LMBR1: variants seen among roughly 807,000 people sequenced by gnomAD.
The protein encoded by LMBR1 is limb development membrane protein 1.
In LMBR1, 52 loss-of-function variants were observed where a neutral mutation model predicts 73.9. The ratio of observed to expected loss-of-function variants is 0.70; its 90% CI spans 0.56 to 0.89. LMBR1 has a LOEUF of 0.89. LMBR1 is among the 40% of genes least tolerant of loss of function. The probability of loss-of-function intolerance (pLI) is 0.00; values close to 1 mark genes in which losing one functional copy is unlikely to be tolerated. For missense variants in LMBR1, 539 were observed against 579.8 expected (o/e 0.93, Z 0.72); for synonymous variants, 215 against 209.4 (o/e 1.03, Z -0.23).
chr7:156,869,868 C>T (rs568261795), intron 1 of LMBR1, among the ~76,000 whole-genome samples: 31 of 152,198 alleles, frequency 2.0e-4, no homozygotes, highest in African/African-American at 6.7e-4. Flanking sequence ...TTGGGAAAAA[C>T]CGTCACATGA....
rs140328820 is a variant in LMBR1 at position 156,671,981 on chromosome 7, G to A, written n.867-2694C>T. ...AGTACATATCAAAACTTGTGGAATG[G>A]AATATTTCATCAAAACTTGTGGAAA... On this transcript the variant is annotated intron_variant and non_coding_transcript_variant, in intron 4 of 4. Coordinates refer to the LMBR1 transcript ENST00000430825. Among the ~76,000 whole-genome samples the A allele has an allele frequency of 4.5e-3, 686 of 152,328 alleles. 1 individual carries two copies. The highest frequency in any genetic ancestry group is 7.3e-3 in the Non-Finnish European group (499 of 68,034).
chr7:156,869,074 G>A (rs1300361006), intron 1 of LMBR1, among the ~76,000 whole-genome samples: 1 of 152,098 alleles, frequency 6.6e-6, no homozygotes, highest in Non-Finnish European at 1.5e-5. Context: ...TTTTCTTTAC[G>A]TGGTGTTCTT....
At chr7:156,724,264 C>T (rs1815244137) in intron 14 of LMBR1, 86 bp from the exon 15 acceptor site, 1 of 988,254 alleles carries the variant, frequency 1.0e-6, no homozygotes, top group South Asian at 1.5e-5. Context: ...AATGATTGTG[C>T]ATTCTAGTTA....
At chr7:156,756,193 CT>C (rs892146917) in intron 9 of LMBR1, among the ~76,000 whole-genome samples, 199 bp downstream of exon 9, 1 of 152,118 alleles carries the variant, frequency 6.6e-6, no homozygotes, top group African/African-American at 2.4e-5. Context: ...AGAATGGGTC[CT>C]GCTAGGTTAC....
chr7:156,742,545 T>C (rs1416615154), intron 9 of LMBR1, among the ~76,000 whole-genome samples: 17 of 152,040 alleles, frequency 1.1e-4, no homozygotes, highest in Non-Finnish European at 2.9e-5. Context: ...ACATACAACC[T>C]ACCAAGATTG....
intron 15 of LMBR1, among the ~76,000 whole-genome samples, chr7:156,692,266 G>T (rs938632321): frequency 2.0e-5 from 3 of 152,052 alleles, no homozygotes; most frequent in Non-Finnish European, 4.4e-5. Flanking sequence ...TAGTAGAGAT[G>T]GGGTTTCACC....
chr7:156,807,557 TG>T (rs76889530), intron 4 of LMBR1, among the ~76,000 whole-genome samples: 51,776 of 151,984 alleles, frequency 0.34, 9,097 homozygotes, highest in East Asian at 0.57. Flanking sequence ...TACTGGCAAT[TG>T]GTCTCTTCTT....
intron 1 of LMBR1, among the ~76,000 whole-genome samples, chr7:156,885,873 C>A (rs547057478): frequency 2.7e-5 from 4 of 149,832 alleles, no homozygotes; most frequent in Admixed American, 1.3e-4. Flanking sequence ...GACTCCATAT[C>A]ATAAATAAAT....
At chr7:156,755,284 T>C (rs888609382) in intron 9 of LMBR1, among the ~76,000 whole-genome samples, 1 of 152,266 alleles carries the variant, frequency 6.6e-6, no homozygotes, top group Admixed American at 6.5e-5. Context: ...ATAAAGATTC[T>C]AGAAAGACCT....
intron 15 of LMBR1, among the ~76,000 whole-genome samples, chr7:156,690,445 TG>T (rs1417704701): frequency 6.6e-6 from 1 of 152,174 alleles, no homozygotes; most frequent in African/African-American, 2.4e-5. Flanking sequence ...TGTCCTACGT[TG>T]TGACAGCAAT....
At chr7:156,786,628 T>C (rs1481890585) in intron 5 of LMBR1, among the ~76,000 whole-genome samples, 1 of 152,150 alleles carries the variant, frequency 6.6e-6, no homozygotes, top group Non-Finnish European at 1.5e-5. Flanking sequence ...AAACCAACTA[T>C]CAAATTACTA....
chr7:156,807,326 T>C (rs1177422926), intron 4 of LMBR1, among the ~76,000 whole-genome samples: 1 of 152,206 alleles, frequency 6.6e-6, no homozygotes, highest in Non-Finnish European at 1.5e-5. Flanking sequence ...AACTATATGA[T>C]AGAACTGACA....
At chr7:156,714,194 C>T (rs969270090) in intron 15 of LMBR1, among the ~76,000 whole-genome samples, 3 of 152,258 alleles carry the variant, frequency 2.0e-5, no homozygotes, top group African/African-American at 7.2e-5. Flanking sequence ...CTTCAAGGAG[C>T]GTAGAGCTTT....
At position 156,763,118 on chromosome 7, in the gene LMBR1, C is replaced by T; in HGVS notation, c.609G>A (p.Leu203=). ...CTGAAAAATACTTACAGAGAAGTAA[C>T]AAACATCCCATCAATGATATACAGG... ...LYSCISLMGC[L]LLLLCTPVGL... The change falls in exon 7 of 17, where the codon TTG becomes TTA. Residue 203 remains leucine (L), a synonymous_variant. Coordinates refer to ENST00000353442, the MANE Select transcript of LMBR1 (RefSeq NM_022458.4). The T allele has an allele frequency of 7.2e-7, 1 of 1,390,262 alleles. No homozygotes were observed. Among genetic ancestry groups the T allele is most frequent in the Non-Finnish European group, 1.0e-6 (1 of 994,966 alleles). 86.1% of individuals were successfully genotyped at this position (1,390,262 alleles called of 1,614,324 possible).
chr7:156,872,429 C>T (rs1799437491), intron 1 of LMBR1, among the ~76,000 whole-genome samples: 1 of 152,032 alleles, frequency 6.6e-6, no homozygotes, highest in African/African-American at 2.4e-5. Flanking sequence ...AGACGGATCA[C>T]CTGAGGTCAG....
chr7:156,720,361 A>G (rs1175430255), intron 15 of LMBR1, among the ~76,000 whole-genome samples: 1 of 152,242 alleles, frequency 6.6e-6, no homozygotes, highest in Non-Finnish European at 1.5e-5. Context: ...AAGTAGCTGA[A>G]TATCAACAGG....
intron 4 of LMBR1, among the ~76,000 whole-genome samples, chr7:156,819,377 T>A (rs1013870873): frequency 2.6e-5 from 4 of 152,172 alleles, no homozygotes; most frequent in African/African-American, 9.7e-5. Flanking sequence ...ATCAAAAACA[T>A]CCATACTGAC....
At chr7:156,811,910 T>A (rs1833157215) in intron 4 of LMBR1, among the ~76,000 whole-genome samples, 1 of 152,178 alleles carries the variant, frequency 6.6e-6, no homozygotes, top group South Asian at 2.1e-4. Context: ...TATCTGTGGG[T>A]GGCTGCCTGC....
At chr7:156,840,838 G>A (rs972490420) in intron 1 of LMBR1, among the ~76,000 whole-genome samples, 1 of 150,668 alleles carries the variant, frequency 6.6e-6, no homozygotes, top group Non-Finnish European at 1.5e-5. Context: ...CGTGGCGGGC[G>A]TCTGTAGTCC....
Sources: allele counts gnomAD v4.1 joint callset (sites outside exome capture counted in the v4.1 genomes callset), GRCh38; gene constraint gnomAD v4.1.1; transcripts MANE v1.5; gene names NCBI Gene and HGNC (gene_info 2026-07-23, HGNC 2026-07-21).